Variants in CHMP4A observed in about 807,000 individuals in gnomAD.
CHMP4A encodes the protein SNF7 homolog associated with Alix-2.
A neutral mutation model predicts 28.2 loss-of-function variants in CHMP4A; 29 were observed. That is an observed-to-expected ratio of 1.03 (90% CI 0.77 to 1.40). The LOEUF is 1.40. Among genes scored for constraint, CHMP4A ranks in the 40% most tolerant of loss-of-function variants. The pLI is 0.00. For synonymous variants in CHMP4A, 88 were observed against 99.3 expected (o/e 0.89, Z 0.67); for missense variants, 241 against 263.5 (o/e 0.91, Z 0.59).
intron 1 of CHMP4A, 118 bp downstream of exon 1, chr14:24,213,291 C>G (rs1041385258): frequency 1.6e-6 from 2 of 1,261,288 alleles, no homozygotes; most frequent in African/African-American, 3.1e-5. Flanking sequence ...TTCCAGTCAG[C>G]CTGTCTCCTG....
chr14:24,210,491 G>A lies in CHMP4A; in HGVS notation c.475-8C>T, dbSNP rs781067601. ...CTCCTCCAGCAGTTCATCCTGGATA[G>A]GGAAGACAAGACCACTTTAGATGAA... On this transcript the variant is annotated splice_region_variant and splice_polypyrimidine_tract_variant and intron_variant, in intron 4 of 5. Transcript: ENST00000347519. 9 of 1,612,150 alleles carry A rather than the reference G, an allele frequency of 5.6e-6. No individual in the cohort carries two copies. The South Asian group carries it at 7.7e-5, about 14-fold the overall frequency.
intron 3 of CHMP4A, chr14:24,211,172 A>C (rs897361426): frequency 6.2e-6 from 3 of 483,858 alleles, no homozygotes; most frequent in African/African-American, 5.8e-5. Flanking sequence ...CGACAGAGCA[A>C]GACTCCATCT....
chr14:24,210,901 C>A, intron 3 of CHMP4A, 133 bp from the exon 4 acceptor site: 1 of 680,708 alleles, frequency 1.5e-6, no homozygotes, highest in Non-Finnish European at 2.6e-6. Context: ...GAAGAGATCC[C>A]TGGAAAATTG....
chr14:24,210,651 C>T lies in CHMP4A; in HGVS notation c.474+3G>A, dbSNP rs1192607703. 2.5e-6 allele frequency: 4 copies of T among 1,611,370 alleles called. No homozygotes were observed. Among genetic ancestry groups the T allele is most frequent in the African/African-American group, 1.3e-5 (1 of 74,890 alleles). On this transcript the variant is annotated splice_donor_region_variant and intron_variant, in intron 4 of 5. Transcript: ENST00000347519. ...TATTCCCTGACCCTTCACCCCCAAT[C>T]ACCTCATCCACATCATCTCCAAAGC...
intron 1 of CHMP4A, chr14:24,212,561 T>C (rs2039602893): frequency 2.4e-6 from 1 of 414,526 alleles, no homozygotes; most frequent in Non-Finnish European, 4.7e-6. Flanking sequence ...CTAATTTTTT[T>C]TTTTTTTTTT....
intron 1 of CHMP4A, chr14:24,212,155 G>A (rs769865738): frequency 1.1e-4 from 23 of 209,534 alleles, no homozygotes; most frequent in Non-Finnish European, 1.7e-4. Context: ...ACGCAATGGC[G>A]TGATCTCAGC....
chr14:24,210,001 T>C lies in CHMP4A; in HGVS notation c.611-66A>G, dbSNP rs148081915. The stretch of plus-strand genomic sequence containing the variant: ...AGTAAGGTCTCAGCAACTCCAACCA[T>C]CCCCTGCTATGACATTCAGAGCCTG... On this transcript the variant is annotated intron_variant, in intron 5 of 5. Coordinates refer to ENST00000347519, the MANE Select transcript of CHMP4A (RefSeq NM_014169.5). 3.9e-4 allele frequency: 535 copies of C among 1,387,302 alleles called. 1 individual carries two copies. In the African/African-American group the frequency reaches 6.9e-3, roughly 18 times the overall value. 85.9% of individuals were successfully genotyped at this position (1,387,302 alleles called of 1,614,324 possible). A position where few individuals can be genotyped will look rare whatever the true frequency, so the allele number is the denominator to read the frequency against.
intron 1 of CHMP4A, 82 bp downstream of exon 1, chr14:24,213,327 G>A: frequency 1.4e-6 from 2 of 1,420,208 alleles, no homozygotes; most frequent in Admixed American, 2.7e-5. Context: ...CCGGCGCAGC[G>A]GTCCGGCCGA....
At chr14:24,211,926 T>G in intron 1 of CHMP4A, 97 bp from the exon 2 acceptor site, 2 of 1,095,974 alleles carry the variant, frequency 1.8e-6, no homozygotes, top group Non-Finnish European at 2.6e-6. Context: ...CTGACTGTGT[T>G]ATTGCTAATC....
At position 24,210,729 on chromosome 14, in the gene CHMP4A, C is replaced by T. The variant is rs745737788; in HGVS notation, c.399G>A (p.Thr133=). Residue 133 remains threonine, a synonymous_variant, in exon 4 of 6, where the codon ACG becomes ACA. Coordinates refer to ENST00000347519, the MANE Select transcript of CHMP4A (RefSeq NM_014169.5). ...TCTGCTGGGCCACCTCCTGTTGTTCCGTGATGTCAGTCATCAGTTCATCTA... is the reference window on the plus strand; with the variant it reads ...TCTGCTGGGCCACCTCCTGTTGTTCTGTGATGTCAGTCATCAGTTCATCTA... ...DKVDELMTDI[T]EQQEVAQQIS... The T allele has an allele frequency of 1.8e-5, 29 of 1,614,012 alleles. No individual in the cohort carries two copies. The highest frequency in any genetic ancestry group is 6.7e-5 in the African/African-American group (5 of 74,920).
chr14:24,212,060 T>C (rs1187913026), intron 1 of CHMP4A: 2 of 437,052 alleles, frequency 4.6e-6, no homozygotes, highest in Non-Finnish European at 8.1e-6. Flanking sequence ...GTATGAGTTC[T>C]AAAACCAATA....
In CHMP4A at chr14:24,210,388, T is replaced by C. The variant is rs1186999699; in HGVS notation, c.570A>G (p.Lys190=). 1.9e-6 allele frequency: 3 copies of C among 1,613,980 alleles called. No individual in the cohort carries two copies. The highest frequency in any genetic ancestry group is 2.5e-6 in the Non-Finnish European group (3 of 1,180,010). The change falls in exon 5 of 6, where the codon AAA becomes AAG. Residue 190 remains lysine (K), a synonymous_variant. Transcript: ENST00000347519. ...VGDKEEEPSV[K]LPSVPSTHLP... is the part of the protein sequence containing the mutation. ...GATGAGTAGAAGGTACACTAGGCAA[T>C]TTGACTGAGGGTTCTTCTTCCTTGT...
chr14:24,211,701 ACTT>A lies in CHMP4A; in HGVS notation c.157_159del (p.Lys53del), dbSNP rs1289234065. 1 of 1,614,016 alleles carries A rather than the reference ACTT, an allele frequency of 6.2e-7. No individual in the cohort carries two copies. The highest frequency in any genetic ancestry group is 1.1e-5 in the South Asian group (1 of 91,066). ...TTACCTCTCTTATTCTTGGTCCCAT[ACTT>A]CTTGGCTGTTTGTAGCTCCTGTTGA... On this transcript the variant is annotated inframe_deletion, in exon 2 of 6. Coordinates refer to ENST00000347519, the MANE Select transcript of CHMP4A (RefSeq NM_014169.5).
chr14:24,211,752 G>T lies in CHMP4A; in HGVS notation c.109C>A (p.Gln37Lys). Reference sequence around the variant, plus strand: ...TGAATCTTCTGCTCCAAAAATTCCTGTTTCTTGATCAGTATCTTCTCTGTC... The same window carrying T: ...TGAATCTTCTGCTCCAAAAATTCCTTTTTCTTGATCAGTATCTTCTCTGTC... ...KETEKILIKK[Q>K]EFLEQKIQQE... Residue 37 changes from glutamine to lysine, a missense_variant, in exon 2 of 6, where the codon CAG becomes AAG. Coordinates refer to ENST00000347519, the MANE Select transcript of CHMP4A (RefSeq NM_014169.5). 1.9e-6 allele frequency: 3 copies of T among 1,614,100 alleles called. No homozygotes were observed. The highest frequency in any genetic ancestry group is 1.6e-4 in the Middle Eastern group (1 of 6,062).
At chr14:24,211,949 C>T (rs2138860615) in intron 1 of CHMP4A, 120 bp from the exon 2 acceptor site, 1 of 827,996 alleles carries the variant, frequency 1.2e-6, no homozygotes, top group East Asian at 2.6e-5. Flanking sequence ...CAAATCTCTA[C>T]AATGAACGTG....
At position 24,210,414 on chromosome 14, in the gene CHMP4A, C is replaced by T. The variant is rs1037307556; in HGVS notation, c.544G>A (p.Asp182Asn). The T allele has an allele frequency of 4.3e-6, 7 of 1,614,120 alleles. No individual in the cohort carries two copies. The highest frequency in any genetic ancestry group is 2.2e-5 in the East Asian group (1 of 44,880). Reference sequence around the variant, plus strand: ...TTGACTGAGGGTTCTTCTTCCTTGTCGCCCACATTTAACAACTCCTGGGCC... The same window carrying T: ...TTGACTGAGGGTTCTTCTTCCTTGTTGCCCACATTTAACAACTCCTGGGCC... ...ELAQELLNVG[D>N]KEEEPSVKLP... Residue 182 changes from aspartate to asparagine, a missense_variant, in exon 5 of 6, where the codon GAC (aspartate) becomes AAC (asparagine). Coordinates refer to ENST00000347519, the MANE Select transcript of CHMP4A (RefSeq NM_014169.5).
Position 24,211,546 on chromosome 14 carries a change from C to T in CHMP4A, c.228G>A (p.Leu76=). 6.2e-7 allele frequency: 1 copy of T among 1,614,028 alleles called. No homozygotes were observed. The highest frequency in any genetic ancestry group is 8.5e-7 in the Non-Finnish European group (1 of 1,179,876). ...LRRKKRFEQQ[L]AQTDGTLSTL... is the part of the protein sequence containing the mutation. Reference sequence around the variant, plus strand: ...TGGATAATGTCCCGTCAGTTTGTGCCAGCTGCTGTTCGAATCTTTTCTTCC... The same window carrying T: ...TGGATAATGTCCCGTCAGTTTGTGCTAGCTGCTGTTCGAATCTTTTCTTCC... The change falls in exon 3 of 6, where the codon CTG becomes CTA. Residue 76 remains leucine (L), a synonymous_variant. Transcript: ENST00000347519.
chr14:24,210,830 A>C, intron 3 of CHMP4A, 62 bp from the exon 4 acceptor site: 1 of 1,225,350 alleles, frequency 8.2e-7, no homozygotes, highest in South Asian at 1.2e-5. Flanking sequence ...TTCTCATCTC[A>C]CATGAATGAA....
chr14:24,213,306 T>C, intron 1 of CHMP4A, 103 bp downstream of exon 1: 13 of 1,356,864 alleles, frequency 9.6e-6, no homozygotes, highest in Non-Finnish European at 1.2e-5. Flanking sequence ...CTCCTGATTC[T>C]CTTCCCCTGC....
Sources: allele counts gnomAD v4.1 joint callset, GRCh38; gene constraint gnomAD v4.1.1; transcripts MANE v1.5; gene names NCBI Gene and HGNC (gene_info 2026-07-23, HGNC 2026-07-21).